The following PRKN variants were observed in gnomAD, a reference collection of about 807,000 sequenced individuals.
The protein encoded by PRKN is E3 ubiquitin-protein ligase parkin.
Under a neutral mutation model 59.5 loss-of-function variants are expected in PRKN, and 56 were observed. That is an observed-to-expected ratio of 0.94 (90% CI 0.76 to 1.18). The LOEUF (loss-of-function observed/expected upper bound fraction) is 1.18. PRKN is among the 50% of genes most tolerant of loss of function. The pLI, the probability that PRKN is intolerant of heterozygous loss-of-function variation, is 0.00. For missense variants in PRKN, 657 were observed against 596.4 expected, an observed-to-expected ratio of 1.10 and a Z score of -1.06; for synonymous variants, 250 against 222.1, an observed-to-expected ratio of 1.13 and a Z score of -1.12.
chr6:161,897,005 A>G (rs1777653341), intron 6 of PRKN, among the ~76,000 whole-genome samples: 1 of 152,250 alleles, frequency 6.6e-6, no homozygotes, highest in Non-Finnish European at 1.5e-5. Context: ...AAATGATTCC[A>G]GTAACTCAAT....
At chr6:162,711,233 C>T (rs1778524682) in intron 1 of PRKN, among the ~76,000 whole-genome samples, 1 of 152,188 alleles carries the variant, frequency 6.6e-6, no homozygotes, top group South Asian at 2.1e-4. Flanking sequence ...CTGTAAATGA[C>T]TTGTCTGCTT....
At chr6:162,553,976 C>T (rs1779444372) in intron 1 of PRKN, among the ~76,000 whole-genome samples, 1 of 152,092 alleles carries the variant, frequency 6.6e-6, no homozygotes, top group Non-Finnish European at 1.5e-5. Context: ...CGGCGAGGGA[C>T]TCCCGTGGAG....
chr6:162,636,461 C>G (rs1052176421), intron 1 of PRKN, among the ~76,000 whole-genome samples: 1 of 152,040 alleles, frequency 6.6e-6, no homozygotes, highest in African/African-American at 2.4e-5. Context: ...AAACTTGGCA[C>G]AAAGAGGGTA....
Position 161,468,017 on chromosome 6 carries a change from G to C in PRKN, c.1083+80837C>G, listed in dbSNP as rs966506164. Among the ~76,000 whole-genome samples the C allele has an allele frequency of 1.2e-4, 18 of 152,106 alleles. No homozygotes were observed. Among genetic ancestry groups the C allele is most frequent in the African/African-American group, 4.3e-4 (18 of 41,416 alleles). ...AGACAGAGTTTCACTCTTTCAACCA[G>C]GCTGGAGTGAAGTGGTGTGATCTCA... On this transcript the variant is annotated intron_variant, in intron 9 of 11. Transcript: ENST00000366898. The surrounding 1 kb of genome is among the most constrained non-coding windows in gnomAD (Gnocchi z 5.9).
chr6:162,068,782 G>C (rs1562493949), intron 4 of PRKN, among the ~76,000 whole-genome samples: 2 of 135,658 alleles, frequency 1.5e-5, no homozygotes, highest in African/African-American at 5.3e-5. Flanking sequence ...TATTTTCTTG[G>C]TTAGAGAAAG....
At chr6:162,058,187 T>C (rs1300751394) in intron 4 of PRKN, among the ~76,000 whole-genome samples, 2 of 152,234 alleles carry the variant, frequency 1.3e-5, no homozygotes, top group African/African-American at 4.8e-5. Flanking sequence ...ACACTTCGTT[T>C]ACCAAAATTA....
chr6:161,954,019 T>C (rs571958461), intron 6 of PRKN, among the ~76,000 whole-genome samples: 2 of 152,238 alleles, frequency 1.3e-5, no homozygotes, highest in South Asian at 2.1e-4. Flanking sequence ...GGGACACTAA[T>C]AGTATCTACC....
rs185113315 is a variant in PRKN, at chr6:161,400,356, G to T, written c.1084-13479C>A. On this transcript the variant is annotated intron_variant, in intron 9 of 11. Coordinates refer to ENST00000366898, the MANE Select transcript of PRKN (RefSeq NM_004562.3). This position sits in a 1 kb window ranked among gnomAD's most constrained non-coding sequence, Gnocchi z 4.2. ...GAATTTCACTCTTGTCACCCAGGCT[G>T]GAGTGCAATGGCACGATCTCCGCTC... Among the ~76,000 whole-genome samples the T allele has an allele frequency of 6.6e-6, 1 of 150,746 alleles. No homozygotes were observed. Among genetic ancestry groups the T allele is most frequent in the African/African-American group, 2.4e-5 (1 of 40,860 alleles).
intron 7 of PRKN, among the ~76,000 whole-genome samples, chr6:161,742,051 C>T (rs774799727): frequency 6.6e-6 from 1 of 152,104 alleles, no homozygotes; most frequent in Non-Finnish European, 1.5e-5. Flanking sequence ...CACGCTGCAA[C>T]CTCCGCCTCC....
chr6:162,463,883 T>C (rs1337252521), intron 1 of PRKN, among the ~76,000 whole-genome samples: 2 of 152,236 alleles, frequency 1.3e-5, no homozygotes, highest in African/African-American at 4.8e-5. Flanking sequence ...TATCATTTCC[T>C]TGACTTAGGC....
At chr6:161,994,086 C>T (rs55913773) in intron 5 of PRKN, among the ~76,000 whole-genome samples, 12,113 of 151,910 alleles carry the variant, frequency 0.08, 549 homozygotes, top group Middle Eastern at 0.11. Context: ...TATAGCAACC[C>T]GTTATGAACA....
chr6:161,831,957 C>A (rs1197486518), intron 6 of PRKN, among the ~76,000 whole-genome samples: 1 of 152,194 alleles, frequency 6.6e-6, no homozygotes, highest in Non-Finnish European at 1.5e-5. Flanking sequence ...TTGGGACTCC[C>A]TCAGGAAGGC....
In PRKN at chr6:162,128,740, C is replaced by A. The variant is rs115798525; in HGVS notation, c.534+72391G>T. Among the ~76,000 whole-genome samples, 33 of 152,302 alleles carry A rather than the reference C, an allele frequency of 2.2e-4. 1 individual carries two copies. The East Asian group carries it at 5.6e-3, about 26-fold the overall frequency. ...TTGGGAAGTGATTAGGTCACAAGGGCAGAGCCCTCATGGATGGGATTAGGG... is the reference window on the plus strand; with the variant it reads ...TTGGGAAGTGATTAGGTCACAAGGGAAGAGCCCTCATGGATGGGATTAGGG... On this transcript the variant is annotated intron_variant, in intron 4 of 11. Coordinates refer to ENST00000366898, the MANE Select transcript of PRKN (RefSeq NM_004562.3).
At chr6:162,380,988 G>A (rs577467461) in intron 2 of PRKN, among the ~76,000 whole-genome samples, 9 of 152,190 alleles carry the variant, frequency 5.9e-5, no homozygotes, top group Admixed American at 2.0e-4. Context: ...AAGGAAAACC[G>A]CCATGGATTC....
rs1562454954 is a variant in PRKN at position 161,446,078 on chromosome 6, C to T, written c.1084-59201G>A. Among the ~76,000 whole-genome samples the T allele has an allele frequency of 6.6e-6, 1 of 151,642 alleles. No individual in the cohort carries two copies. The highest frequency in any genetic ancestry group is 2.0e-4 in the East Asian group (1 of 5,014). ...ACTTAGCTGGGTGTGGTGGCACATG[C>T]CTATGGTCCCAGGTATCTGGAGCAT... On this transcript the variant is annotated intron_variant, in intron 9 of 11. Transcript: ENST00000366898. The surrounding 1 kb of genome is among the most constrained non-coding windows in gnomAD (Gnocchi z 6.2).
chr6:162,645,619 A>T (rs1278194056), intron 1 of PRKN, among the ~76,000 whole-genome samples: 1 of 152,204 alleles, frequency 6.6e-6, no homozygotes, highest in Non-Finnish European at 1.5e-5. Flanking sequence ...GGAAGAAAAA[A>T]AAAGTGCTTT....
chr6:161,661,601 G>A lies in PRKN; in HGVS notation c.872-92185C>T, dbSNP rs562415061. ...AGTGCTGTCTCATTTCTGTATATTT[G>A]CTTATTAATTTCTTGTCCATTTTCA... is the stretch of plus-strand genomic sequence containing the variant. On this transcript the variant is annotated intron_variant, in intron 7 of 11. Coordinates refer to ENST00000366898, the MANE Select transcript of PRKN (RefSeq NM_004562.3). Among the ~76,000 whole-genome samples, 25 of 149,696 alleles carry A rather than the reference G, an allele frequency of 1.7e-4. No homozygotes were observed. In the South Asian group the frequency reaches 4.9e-3, roughly 29 times the overall value.
intron 6 of PRKN, among the ~76,000 whole-genome samples, chr6:161,854,170 G>A (rs1427059561): frequency 1.3e-5 from 2 of 151,548 alleles, no homozygotes; most frequent in South Asian, 2.1e-4. Flanking sequence ...CAGGAGAATC[G>A]CTTGAACCTG....
rs1779083230 is a variant in PRKN, at chr6:161,528,286, A to G, written c.1083+20568T>C. Among the ~76,000 whole-genome samples, 3 of 152,216 alleles carry G rather than the reference A, an allele frequency of 2.0e-5. No individual in the cohort carries two copies. The South Asian group carries it at 6.2e-4, about 32-fold the overall frequency. On this transcript the variant is annotated intron_variant, in intron 9 of 11. Transcript: ENST00000366898. ...CAAATATCTCCTGATATGTTAAAGAAACAGAGTCTTCCATAGCTGTAGTGG... is the reference window on the plus strand; with the variant it reads ...CAAATATCTCCTGATATGTTAAAGAGACAGAGTCTTCCATAGCTGTAGTGG...
Sources: allele counts gnomAD v4.1 joint callset (sites outside exome capture counted in the v4.1 genomes callset), GRCh38; gene constraint gnomAD v4.1.1; non-coding constraint Gnocchi (gnomAD v3.1); transcripts MANE v1.5; gene names NCBI Gene and HGNC (gene_info 2026-07-23, HGNC 2026-07-21).